Variants in KCNU1 observed in about 807,000 individuals in gnomAD.
The protein encoded by KCNU1 is potassium channel subfamily U member 1.
KCNU1 carries 93 observed loss-of-function variants against 126.8 expected under a neutral mutation model. The ratio of observed to expected loss-of-function variants is 0.73; its 90% CI spans 0.62 to 0.87. KCNU1 has a LOEUF of 0.87. Among genes scored for constraint, KCNU1 ranks in the 40% least tolerant of loss-of-function variants. The pLI is 0.00. For missense variants in KCNU1, 1,330 were observed against 1,367.1 expected (o/e 0.97, Z 0.43); for synonymous variants, 523 against 494.2 (o/e 1.06, Z -0.77).
intron 19 of KCNU1, among the ~76,000 whole-genome samples, chr8:36,875,967 C>T (rs1806265589): frequency 6.6e-6 from 1 of 152,146 alleles, no homozygotes; most frequent in Admixed American, 6.5e-5. Flanking sequence ...TGTTTTATTC[C>T]TTTGAGAAAT....
chr8:36,845,367 G>T (rs533431187), intron 16 of KCNU1, among the ~76,000 whole-genome samples: 1 of 152,282 alleles, frequency 6.6e-6, no homozygotes, highest in South Asian at 2.1e-4. Context: ...TGATCAAGTT[G>T]TTCCCTGGCT....
intron 22 of KCNU1, 113 bp from the exon 23 acceptor site, chr8:36,918,710 A>G: frequency 1.4e-6 from 1 of 727,358 alleles, no homozygotes; most frequent in Non-Finnish European, 2.4e-6. Context: ...GGATTTATAC[A>G]TGAAAGTAAC....
chr8:36,864,507 A>G lies in KCNU1; in HGVS notation c.1995A>G (p.Ser665=), dbSNP rs920513565. The change falls in exon 19 of 27, where the codon TCA becomes TCG. Residue 665 remains serine, a synonymous_variant. Coordinates refer to ENST00000399881, the MANE Select transcript of KCNU1 (RefSeq NM_001031836.3). ...PRVSASTSSI[S]NFTTRTLQHD... ...TATCTGCAAGCACTTCGAGCATATC[A>G]AACTTCACCACCAGGTAAAAGCTGC... 1 of 1,605,040 alleles carries G rather than the reference A, an allele frequency of 6.2e-7. No individual in the cohort carries two copies.
chr8:36,921,668 A>T (rs1808353347), intron 23 of KCNU1, among the ~76,000 whole-genome samples: 1 of 151,338 alleles, frequency 6.6e-6, no homozygotes. Context: ...GGAAAAAAAA[A>T]AAAAAAAAAA....
intron 18 of KCNU1, among the ~76,000 whole-genome samples, chr8:36,856,900 ATTGT>A (rs2117310416): frequency 6.6e-6 from 1 of 152,324 alleles, no homozygotes; most frequent in Non-Finnish European, 1.5e-5. Context: ...CCTCTAATTA[ATTGT>A]TTACCACCAA....
At chr8:36,790,593 T>A (rs764708322) in intron 2 of KCNU1, among the ~76,000 whole-genome samples, 5 of 152,044 alleles carry the variant, frequency 3.3e-5, no homozygotes. Context: ...AACTGGATGA[T>A]TTCTTATGAT....
chr8:36,789,553 A>G (rs963084875), intron 2 of KCNU1, among the ~76,000 whole-genome samples: 1 of 152,184 alleles, frequency 6.6e-6, no homozygotes, highest in African/African-American at 2.4e-5. Flanking sequence ...CACTCTAGGT[A>G]TAGTGGAAAG....
At position 36,909,467 on chromosome 8, in the gene KCNU1, G is replaced by T; in HGVS notation, c.2263G>T (p.Gly755Trp). Residue 755 changes from glycine to tryptophan, a missense_variant, in exon 21 of 27, where the codon GGG becomes TGG. By Grantham distance (184) the Gly-to-Trp change is radical. This residue lies in a region of KCNU1 where 1,054 missense variants were observed against 1,053.9 expected (regional missense o/e 1.00). Transcript: ENST00000399881. ...RKELKDIVFI[G>W]SLDYLQREWR... ...GGAGCTGAAGGACATAGTGTTCATT[G>T]GGTCTCTGGACTATCTACAGAGAGA... 1 of 1,613,514 alleles carries T rather than the reference G, an allele frequency of 6.2e-7. No homozygotes were observed. The highest frequency in any genetic ancestry group is 8.5e-7 in the Non-Finnish European group (1 of 1,179,502).
intron 26 of KCNU1, among the ~76,000 whole-genome samples, chr8:36,934,378 G>A (rs1015478348): frequency 5.9e-5 from 9 of 151,966 alleles, no homozygotes; most frequent in Non-Finnish European, 1.0e-4. Flanking sequence ...GATGGATGGG[G>A]AAGGAAGGTG....
At chr8:36,919,384 C>T (rs907436996) in intron 23 of KCNU1, among the ~76,000 whole-genome samples, 2 of 148,516 alleles carry the variant, frequency 1.3e-5, no homozygotes, top group Admixed American at 6.8e-5. Flanking sequence ...TATTTCCCCC[C>T]GTCACCTTAA....
intron 10 of KCNU1, among the ~76,000 whole-genome samples, chr8:36,824,240 TA>T (rs1176746132): frequency 6.6e-6 from 1 of 152,148 alleles, no homozygotes; most frequent in Non-Finnish European, 1.5e-5. Context: ...AGTCAAGAAA[TA>T]AAGTAGTGCC....
rs575049305 is a variant in KCNU1 at position 36,809,556 on chromosome 8, A to T, written c.732+763A>T. Reference sequence around the variant, plus strand: ...TTCAATTCAACAAGAAAAATGTCAAATGCAAACAAGGATATGAACCTTCAA... The same window carrying T: ...TTCAATTCAACAAGAAAAATGTCAATTGCAAACAAGGATATGAACCTTCAA... On this transcript the variant is annotated intron_variant, in intron 7 of 26. Coordinates refer to ENST00000399881, the MANE Select transcript of KCNU1 (RefSeq NM_001031836.3). Among the ~76,000 whole-genome samples the T allele has an allele frequency of 4.6e-5, 7 of 152,336 alleles. No homozygotes were observed. The South Asian group carries it at 1.4e-3, about 32-fold the overall frequency.
At chr8:36,890,468 A>G (rs1331462857) in intron 19 of KCNU1, among the ~76,000 whole-genome samples, 2 of 152,120 alleles carry the variant, frequency 1.3e-5, no homozygotes, top group African/African-American at 4.8e-5. Flanking sequence ...AAAAATATAT[A>G]TTGCAAATTT....
intron 18 of KCNU1, among the ~76,000 whole-genome samples, chr8:36,855,392 A>G (rs1252531586): frequency 3.3e-5 from 5 of 152,172 alleles, no homozygotes; most frequent in Non-Finnish European, 5.9e-5. Context: ...AGGCTGAAAA[A>G]GAAAAGCCAT....
At chr8:36,902,833 C>A (rs571974014) in intron 19 of KCNU1, among the ~76,000 whole-genome samples, 1 of 152,162 alleles carries the variant, frequency 6.6e-6, no homozygotes, top group South Asian at 2.1e-4. Flanking sequence ...GCCGGTGGGG[C>A]TTTTGGAACT....
chr8:36,839,812 G>C (rs1804884902), intron 14 of KCNU1, among the ~76,000 whole-genome samples: 2 of 152,154 alleles, frequency 1.3e-5, no homozygotes, highest in Admixed American at 1.3e-4. Context: ...GATGAGGAGA[G>C]GGTCCTACAC....
chr8:36,901,898 A>G (rs1205562790), intron 19 of KCNU1, among the ~76,000 whole-genome samples: 1 of 152,146 alleles, frequency 6.6e-6, no homozygotes, highest in Non-Finnish European at 1.5e-5. Flanking sequence ...TTTGACCTGA[A>G]TGGTACCCCG....
rs548053768 is a variant in KCNU1, at chr8:36,840,733, G to T, written c.1631+158G>T. On this transcript the variant is annotated intron_variant, in intron 15 of 26. Coordinates refer to ENST00000399881, the MANE Select transcript of KCNU1 (RefSeq NM_001031836.3). ...AACTTAGAAGTTTACAGTTGGGATG[G>T]GGCAATTTCATCTCTGTCCCAGTTG... is the stretch of plus-strand genomic sequence containing the variant. Among the ~76,000 whole-genome samples the T allele has an allele frequency of 2.6e-4, 40 of 152,284 alleles. 2 individuals carry two copies. The South Asian group carries it at 4.6e-3, about 17-fold the overall frequency.
chr8:36,808,712 C>G lies in KCNU1; in HGVS notation c.657-6C>G. The G allele has an allele frequency of 1.3e-6, 2 of 1,591,320 alleles. No homozygotes were observed. The highest frequency in any genetic ancestry group is 1.7e-6 in the Non-Finnish European group (2 of 1,161,796). ...ACCCAACAGCTCTTTGTCTCTCTTCCTCTAGTAACTCAGTGAAGTTTTCCA... is the reference window on the plus strand; with the variant it reads ...ACCCAACAGCTCTTTGTCTCTCTTCGTCTAGTAACTCAGTGAAGTTTTCCA... On this transcript the variant is annotated splice_region_variant and splice_polypyrimidine_tract_variant and intron_variant, in intron 6 of 26. Coordinates refer to ENST00000399881, the MANE Select transcript of KCNU1 (RefSeq NM_001031836.3).
Sources: gnomAD v4.1 joint callset for allele counts (sites outside exome capture counted in the v4.1 genomes callset) on GRCh38, gnomAD v4.1.1 for gene constraint, gnomAD v4.1.1 regional missense constraint, MANE v1.5 for transcripts, NCBI Gene and HGNC (gene_info 2026-07-23, HGNC 2026-07-21) for gene names.